CNTNAP2: variants seen among roughly 807,000 people sequenced by gnomAD.
The protein encoded by CNTNAP2 is contactin associated protein 2.
Under a neutral mutation model 155.2 loss-of-function variants are expected in CNTNAP2, and 98 were observed. The ratio of observed to expected loss-of-function variants is 0.63; its 90% CI spans 0.54 to 0.75. CNTNAP2 has a LOEUF of 0.75. Among genes scored for constraint, CNTNAP2 ranks in the 30% least tolerant of loss-of-function variants. The probability of loss-of-function intolerance (pLI) is 0.00; values close to 1 mark genes in which losing one functional copy is unlikely to be tolerated. For missense variants in CNTNAP2, 1,727 were observed against 1,688.1 expected (o/e 1.02, Z -0.40); for synonymous variants, 651 against 631.2 (o/e 1.03, Z -0.47).
At chr7:147,667,705 C>A (rs1266895682) in intron 13 of CNTNAP2, among the ~76,000 whole-genome samples, 2 of 151,918 alleles carry the variant, frequency 1.3e-5, no homozygotes, top group African/African-American at 2.4e-5. Context: ...CCTCCAAACA[C>A]CACCTCTTTG....
intron 2 of CNTNAP2, among the ~76,000 whole-genome samples, chr7:146,812,543 G>A (rs191604741): frequency 6.6e-6 from 1 of 151,674 alleles, no homozygotes; most frequent in East Asian, 1.9e-4. Context: ...TTGGTGTGCT[G>A]CACCCATTAA....
chr7:146,471,714 A>C (rs991673493), intron 1 of CNTNAP2, among the ~76,000 whole-genome samples: 2 of 152,266 alleles, frequency 1.3e-5, no homozygotes, highest in East Asian at 3.8e-4. Context: ...GTTAACACAA[A>C]ATTATTTTAA....
intron 1 of CNTNAP2, among the ~76,000 whole-genome samples, chr7:146,701,296 G>C (rs994934704): frequency 2.0e-5 from 3 of 152,092 alleles, no homozygotes; most frequent in African/African-American, 7.2e-5. Flanking sequence ...CCCTCATCAT[G>C]AAACCCTTCC....
intron 13 of CNTNAP2, among the ~76,000 whole-genome samples, chr7:147,787,125 A>G (rs751762377): frequency 3.3e-5 from 5 of 152,202 alleles, no homozygotes; most frequent in Non-Finnish European, 7.3e-5. Flanking sequence ...ATGGTAGAGA[A>G]TGAATACCTG....
intron 15 of CNTNAP2, among the ~76,000 whole-genome samples, chr7:147,989,342 C>A (rs1452458222): frequency 6.6e-6 from 1 of 152,170 alleles, no homozygotes; most frequent in Non-Finnish European, 1.5e-5. Context: ...GTTCCTTAAC[C>A]TCTCTGGGCT....
chr7:147,574,999 G>A (rs1012248129), intron 12 of CNTNAP2, among the ~76,000 whole-genome samples: 1 of 151,982 alleles, frequency 6.6e-6, no homozygotes, highest in Admixed American at 6.6e-5. Flanking sequence ...AGACTTTCAA[G>A]TTAAGATTCA....
At chr7:147,851,859 T>C (rs1798948753) in intron 13 of CNTNAP2, among the ~76,000 whole-genome samples, 1 of 151,998 alleles carries the variant, frequency 6.6e-6, no homozygotes, top group African/African-American at 2.4e-5. Flanking sequence ...TGTATACATA[T>C]GTAATAAACC....
chr7:147,417,578 A>G (rs1043022145), intron 10 of CNTNAP2, among the ~76,000 whole-genome samples: 1 of 152,218 alleles, frequency 6.6e-6, no homozygotes, highest in Non-Finnish European at 1.5e-5. Context: ...TGCACATTAG[A>G]GAACGTCTAC....
rs963686630 is a variant in CNTNAP2 at position 148,375,031 on chromosome 7, C to G, written c.3476-8618C>G. On this transcript the variant is annotated intron_variant, in intron 21 of 23. Coordinates refer to ENST00000361727, the MANE Select transcript of CNTNAP2 (RefSeq NM_014141.6). Reference sequence around the variant, plus strand: ...GCACCTGAGGCTGAGGAATGGGGCACCAGCACCTTCCAGGCTTTCTATCTT... The same window carrying G: ...GCACCTGAGGCTGAGGAATGGGGCAGCAGCACCTTCCAGGCTTTCTATCTT... Among the ~76,000 whole-genome samples, 11 of 152,214 alleles carry G rather than the reference C, an allele frequency of 7.2e-5. No homozygotes were observed. The South Asian group carries it at 2.3e-3, about 32-fold the overall frequency.
intron 13 of CNTNAP2, among the ~76,000 whole-genome samples, chr7:147,829,268 T>C (rs13238480): frequency 0.19 from 29,045 of 152,082 alleles, 2,884 homozygotes; most frequent in South Asian, 0.3. Context: ...ATATGCAGAA[T>C]CACTCTGGCA....
intron 10 of CNTNAP2, among the ~76,000 whole-genome samples, chr7:147,442,475 C>T (rs902864724): frequency 6.6e-5 from 10 of 152,114 alleles, no homozygotes; most frequent in African/African-American, 2.4e-4. Context: ...ATTAGGGACT[C>T]CAAGAGCCCA....
intron 4 of CNTNAP2, among the ~76,000 whole-genome samples, chr7:147,047,726 G>C (rs1349026622): frequency 6.6e-6 from 1 of 151,792 alleles, no homozygotes; most frequent in East Asian, 1.9e-4. Flanking sequence ...ATAAAGTTGT[G>C]AGTTTGTGCT....
At chr7:147,472,571 A>G (rs12540164) in intron 10 of CNTNAP2, among the ~76,000 whole-genome samples, 118,511 of 151,948 alleles carry the variant, frequency 0.78, 46,575 homozygotes, top group African/African-American at 0.87. Context: ...TTTTATTGAG[A>G]ATGAATTAAA....
intron 2 of CNTNAP2, among the ~76,000 whole-genome samples, chr7:146,837,204 C>A (rs1166070010): frequency 6.6e-6 from 1 of 152,022 alleles, no homozygotes; most frequent in Non-Finnish European, 1.5e-5. Flanking sequence ...ATTGTTAGGG[C>A]AGTTATCAAT....
At chr7:146,264,126 A>G (rs1256848167) in intron 1 of CNTNAP2, among the ~76,000 whole-genome samples, 1 of 152,138 alleles carries the variant, frequency 6.6e-6, no homozygotes, top group African/African-American at 2.4e-5. Flanking sequence ...CAAGAGAAGA[A>G]TAAAAACATT....
chr7:146,322,478 C>T (rs922340301), intron 1 of CNTNAP2, among the ~76,000 whole-genome samples: 1 of 151,944 alleles, frequency 6.6e-6, no homozygotes, highest in Non-Finnish European at 1.5e-5. Context: ...GGTTTTCTTC[C>T]AGGTATTGTT....
At chr7:146,842,800 C>T (rs547194946) in intron 3 of CNTNAP2, among the ~76,000 whole-genome samples, 2,901 of 151,816 alleles carry the variant, frequency 0.019, 98 homozygotes, top group African/African-American at 0.064. Context: ...ATTCTCCTGC[C>T]TCAGCCTCCC....
intron 1 of CNTNAP2, among the ~76,000 whole-genome samples, chr7:146,407,618 A>G (rs1795810771): frequency 6.6e-6 from 1 of 152,210 alleles, no homozygotes; most frequent in African/African-American, 2.4e-5. Context: ...GATAGTCATC[A>G]ACGCAGAAAC....
chr7:146,233,730 C>T (rs951450033), intron 1 of CNTNAP2, among the ~76,000 whole-genome samples: 8 of 151,728 alleles, frequency 5.3e-5, no homozygotes, highest in African/African-American at 1.9e-4. Context: ...GTTTTTTGTT[C>T]TTGCGATAGT....
Sources: gnomAD v4.1 joint callset for allele counts (sites outside exome capture counted in the v4.1 genomes callset) on GRCh38, gnomAD v4.1.1 for gene constraint, MANE v1.5 for transcripts, NCBI Gene and HGNC (gene_info 2026-07-23, HGNC 2026-07-21) for gene names.